The following ANGPT1 variants were observed in gnomAD, a reference collection of about 807,000 sequenced individuals.
ANGPT1 encodes angiopoietin-1.
ANGPT1 carries 17 observed loss-of-function variants against 62.2 expected under a neutral mutation model. The observed-to-expected ratio is 0.27, with a 90% CI of 0.19 to 0.41. The LOEUF (loss-of-function observed/expected upper bound fraction) is 0.41, where lower values mean the gene tolerates loss of function less well. Among genes scored for constraint, ANGPT1 ranks in the 10% least tolerant of loss-of-function variants. ANGPT1 has a pLI of 1.00. For missense variants in ANGPT1, 478 were observed against 594.9 expected (o/e 0.80, Z 2.04); for synonymous variants, 199 against 198.9 (o/e 1.00, Z 0.00).
chr8:107,313,734 C>T (rs981346953), intron 4 of ANGPT1, among the ~76,000 whole-genome samples: 4 of 151,922 alleles, frequency 2.6e-5, no homozygotes, highest in Non-Finnish European at 4.4e-5. Flanking sequence ...TGAGCCACCA[C>T]GACTGGCCAA....
At chr8:107,256,997 CA>C (rs1397474444) in intron 8 of ANGPT1, among the ~76,000 whole-genome samples, 1 of 152,104 alleles carries the variant, frequency 6.6e-6, no homozygotes, top group South Asian at 2.1e-4. Flanking sequence ...GCTAGGACTA[CA>C]GGCATCCGCT....
chr8:107,324,061 G>A (rs1379661490), intron 3 of ANGPT1, among the ~76,000 whole-genome samples: 5 of 151,530 alleles, frequency 3.3e-5, no homozygotes, highest in Admixed American at 2.0e-4. Flanking sequence ...TTACAGGCAT[G>A]AGCCACTGTG....
chr8:107,469,708 A>C (rs556678076), intron 1 of ANGPT1, among the ~76,000 whole-genome samples: 48 of 152,166 alleles, frequency 3.2e-4, no homozygotes, highest in Non-Finnish European at 5.7e-4. Flanking sequence ...CCAAAATCTC[A>C]AATGTTTTTC....
chr8:107,326,314 A>G (rs1307692875), intron 3 of ANGPT1, among the ~76,000 whole-genome samples: 1 of 152,080 alleles, frequency 6.6e-6, no homozygotes, highest in Non-Finnish European at 1.5e-5. Context: ...CCAGTTAATT[A>G]TCTCTTCTCA....
intron 2 of ANGPT1, among the ~76,000 whole-genome samples, chr8:107,339,334 C>T (rs759834390): frequency 6.6e-6 from 1 of 152,196 alleles, no homozygotes; most frequent in East Asian, 1.9e-4. Context: ...AAAAGACCCA[C>T]GTGATCAGAA....
At chr8:107,449,820 G>A (rs1225774158) in intron 1 of ANGPT1, among the ~76,000 whole-genome samples, 3 of 152,026 alleles carry the variant, frequency 2.0e-5, no homozygotes, top group South Asian at 2.1e-4. Flanking sequence ...AACATTATGT[G>A]TGTGTCTTTG....
chr8:107,295,611 A>G (rs567893308), intron 5 of ANGPT1: 11 of 152,258 alleles, frequency 7.2e-5, no homozygotes, highest in African/African-American at 2.6e-4. Context: ...TCATGGAGAC[A>G]ATAATCTAAA....
At chr8:107,449,498 G>A (rs1300387067) in intron 1 of ANGPT1, among the ~76,000 whole-genome samples, 1 of 151,742 alleles carries the variant, frequency 6.6e-6, no homozygotes, top group Non-Finnish European at 1.5e-5. Flanking sequence ...TTTCACTTGA[G>A]ATTCAGGGGC....
intron 4 of ANGPT1, among the ~76,000 whole-genome samples, chr8:107,313,429 G>GGT (rs1335026306): frequency 1.4e-4 from 9 of 64,178 alleles, no homozygotes; most frequent in African/African-American, 5.8e-4. Flanking sequence ...GTTACTAGTT[G>GGT]TTTTTTTTTT....
chr8:107,370,176 G>GAAAGA (rs1291848259), intron 1 of ANGPT1, among the ~76,000 whole-genome samples: 6,991 of 85,888 alleles, frequency 0.081, 450 homozygotes, highest in Non-Finnish European at 0.11. Flanking sequence ...AAGAGAGAAA[G>GAAAGA]AAGAAAGAAA....
At chr8:107,312,063 CAAAAAAA>C (rs927603600) in intron 4 of ANGPT1, among the ~76,000 whole-genome samples, 3 of 71,062 alleles carry the variant, frequency 4.2e-5, no homozygotes, top group African/African-American at 1.5e-4. Context: ...GACTCCGTTT[CAAAAAAA>C]AAAAAAAAAA....
chr8:107,490,637 C>A (rs903609659), intron 1 of ANGPT1, among the ~76,000 whole-genome samples: 1 of 152,174 alleles, frequency 6.6e-6, no homozygotes, highest in African/African-American at 2.4e-5. Context: ...AATACTAATA[C>A]TAATTCCTCT....
At chr8:107,329,335 T>C (rs1815366044) in intron 3 of ANGPT1, among the ~76,000 whole-genome samples, 1 of 152,070 alleles carries the variant, frequency 6.6e-6, no homozygotes, top group South Asian at 2.1e-4. Context: ...TATATGCATG[T>C]ATATAATTTA....
intron 1 of ANGPT1, among the ~76,000 whole-genome samples, chr8:107,450,961 C>A: frequency 6.6e-6 from 1 of 151,624 alleles, no homozygotes; most frequent in East Asian, 1.9e-4. Flanking sequence ...TGACTGCCTT[C>A]TACATATTTA....
At chr8:107,496,325 TCATAATTTAATAGGCTTATCTTC>T (rs1813095928) in intron 1 of ANGPT1, among the ~76,000 whole-genome samples, 2 of 152,232 alleles carry the variant, frequency 1.3e-5, no homozygotes, top group South Asian at 4.1e-4. Flanking sequence ...AGAAGTGTGT[TCATAATTTAATAGGCTTATCTTC>T]AACAAAAACT....
At chr8:107,284,950 G>A in intron 6 of ANGPT1, 102 bp from the exon 7 acceptor site, 1 of 990,458 alleles carries the variant, frequency 1.0e-6, no homozygotes, top group Non-Finnish European at 1.3e-6. Flanking sequence ...TTATTAAAAA[G>A]TAAAGGTTTT....
chr8:107,425,297 T>C (rs1000880794), intron 1 of ANGPT1, among the ~76,000 whole-genome samples: 4 of 152,220 alleles, frequency 2.6e-5, no homozygotes, highest in Admixed American at 6.5e-5. Context: ...TACGCTACTA[T>C]GGGAGGTTAC....
chr8:107,336,096 GA>G, intron 3 of ANGPT1, 53 bp downstream of exon 3: 1 of 1,505,172 alleles, frequency 6.6e-7, no homozygotes. Flanking sequence ...GCAGAGAGGT[GA>G]AGGATATAAA....
chr8:107,392,176 T>C (rs1242844535), intron 1 of ANGPT1, among the ~76,000 whole-genome samples: 2 of 152,216 alleles, frequency 1.3e-5, no homozygotes, highest in Non-Finnish European at 2.9e-5. Context: ...TAAAATATCC[T>C]TGAGGATAAT....
Sources: gnomAD v4.1 joint callset for allele counts (sites outside exome capture counted in the v4.1 genomes callset) on GRCh38, gnomAD v4.1.1 for gene constraint, MANE v1.5 for transcripts, NCBI Gene and HGNC (gene_info 2026-07-23, HGNC 2026-07-21) for gene names.